The following TNIK variants were observed in gnomAD, a reference collection of about 807,000 sequenced individuals.
The protein encoded by TNIK is TRAF2 and NCK interacting kinase, also known as TRAF2 and NCK-interacting protein kinase.
TNIK carries 49 observed loss-of-function variants against 191.3 expected under a neutral mutation model. The observed-to-expected ratio is 0.26, with a 90% CI of 0.20 to 0.32. The LOEUF (loss-of-function observed/expected upper bound fraction) is 0.32. Among genes scored for constraint, TNIK ranks in the 10% least tolerant of loss-of-function variants. TNIK has a pLI of 1.00. For missense variants in TNIK, 1,155 were observed against 1,702.3 expected, an observed-to-expected ratio of 0.68 and a Z score of 5.66; for synonymous variants, 594 against 600.9, an observed-to-expected ratio of 0.99 and a Z score of 0.17.
intron 12 of TNIK, among the ~76,000 whole-genome samples, chr3:171,155,648 G>A (rs1733070999): frequency 6.6e-6 from 1 of 152,214 alleles, no homozygotes; most frequent in African/African-American, 2.4e-5. Context: ...CACAAGAGAA[G>A]AGACACAAAG....
intron 21 of TNIK, chr3:171,102,051 C>G (rs1340912523): frequency 6.3e-6 from 1 of 157,840 alleles, no homozygotes; most frequent in Non-Finnish European, 1.4e-5. Context: ...GGCTTTTCCC[C>G]TCTTATGATT....
intron 12 of TNIK, among the ~76,000 whole-genome samples, chr3:171,147,787 A>G (rs1731834177): frequency 6.6e-6 from 1 of 152,128 alleles, no homozygotes; most frequent in African/African-American, 2.4e-5. Context: ...ATCCAGGCCA[A>G]TATCTTGCCC....
At chr3:171,067,710 T>C (rs1718640378) in intron 30 of TNIK, among the ~76,000 whole-genome samples, 1 of 150,500 alleles carries the variant, frequency 6.6e-6, no homozygotes, top group Non-Finnish European at 1.5e-5. Flanking sequence ...GAAATAAGTG[T>C]ATATTAATTT....
intron 1 of TNIK, among the ~76,000 whole-genome samples, chr3:171,459,675 T>TACACACACACACACACAC (rs58614773): frequency 2.6e-3 from 377 of 146,318 alleles, no homozygotes; most frequent in East Asian, 9.1e-3. Context: ...CCGGGGCGTG[T>TACACACACACACACACAC]ACACACACAC....
intron 7 of TNIK, among the ~76,000 whole-genome samples, chr3:171,180,967 A>G (rs1164505533): frequency 6.6e-6 from 1 of 152,176 alleles, no homozygotes; most frequent in African/African-American, 2.4e-5. Flanking sequence ...ACTCGCCTCA[A>G]TTTCCCAATG....
intron 2 of TNIK, among the ~76,000 whole-genome samples, chr3:171,355,565 C>T (rs971314332): frequency 2.0e-5 from 3 of 152,190 alleles, no homozygotes; most frequent in South Asian, 2.1e-4. Context: ...GAAGAGGACA[C>T]ACTGTCCTGT....
At chr3:171,356,675 G>A (rs538581492) in intron 2 of TNIK, among the ~76,000 whole-genome samples, 8 of 152,292 alleles carry the variant, frequency 5.3e-5, no homozygotes, top group African/African-American at 1.7e-4. Flanking sequence ...AAACTTCTGA[G>A]TGGAGGTAAG....
intron 2 of TNIK, among the ~76,000 whole-genome samples, chr3:171,295,741 C>T (rs894818930): frequency 6.6e-6 from 1 of 152,190 alleles, no homozygotes; most frequent in African/African-American, 2.4e-5. Flanking sequence ...CAATGTGTGG[C>T]CACCACAGAC....
chr3:171,438,072 C>A (rs539420551), intron 1 of TNIK, among the ~76,000 whole-genome samples: 1 of 152,152 alleles, frequency 6.6e-6, no homozygotes, highest in Non-Finnish European at 1.5e-5. Context: ...AGTGACTTGT[C>A]GCCAATAAAA....
At chr3:171,322,945 A>C (rs546091094) in intron 2 of TNIK, among the ~76,000 whole-genome samples, 1 of 150,086 alleles carries the variant, frequency 6.7e-6, no homozygotes, top group Admixed American at 6.6e-5. Context: ...ATTTTTTTAC[A>C]CTGGTAAGTG....
At chr3:171,272,731 T>G (rs1442107917) in intron 2 of TNIK, among the ~76,000 whole-genome samples, 1 of 152,192 alleles carries the variant, frequency 6.6e-6, no homozygotes, top group Non-Finnish European at 1.5e-5. Context: ...TTACTTATCG[T>G]TTTTCTCATT....
At chr3:171,169,937 T>G (rs1735078045) in intron 9 of TNIK, among the ~76,000 whole-genome samples, 1 of 152,228 alleles carries the variant, frequency 6.6e-6, no homozygotes, top group African/African-American at 2.4e-5. Context: ...AAATAATGTT[T>G]ACTTAAAATG....
chr3:171,388,068 T>C (rs1209065274), intron 1 of TNIK, among the ~76,000 whole-genome samples: 3 of 152,218 alleles, frequency 2.0e-5, no homozygotes, highest in Admixed American at 1.3e-4. Flanking sequence ...TTATTTTACT[T>C]GACCATCTCC....
At chr3:171,154,932 TAAG>T (rs1036434716) in intron 12 of TNIK, among the ~76,000 whole-genome samples, 57 of 152,330 alleles carry the variant, frequency 3.7e-4, no homozygotes, top group African/African-American at 1.3e-3. Context: ...AAAGTCCTTC[TAAG>T]AATATACAGA....
intron 18 of TNIK, among the ~76,000 whole-genome samples, chr3:171,119,175 A>T (rs1421962028): frequency 1.3e-5 from 2 of 152,260 alleles, no homozygotes; most frequent in East Asian, 3.8e-4. Context: ...TATGCAGCCA[A>T]AAGACACATG....
chr3:171,067,006 A>G (rs750104389), intron 30 of TNIK, among the ~76,000 whole-genome samples: 5 of 152,192 alleles, frequency 3.3e-5, no homozygotes, highest in African/African-American at 4.8e-5. Flanking sequence ...CTTTACATAT[A>G]TAATTTCTAG....
At chr3:171,199,310 C>G (rs1739124547) in intron 4 of TNIK, among the ~76,000 whole-genome samples, 1 of 152,046 alleles carries the variant, frequency 6.6e-6, no homozygotes, top group African/African-American at 2.4e-5. Context: ...CCTCCCTCCC[C>G]ATAAGTAACC....
intron 28 of TNIK, among the ~76,000 whole-genome samples, chr3:171,076,330 T>C (rs1051214088): frequency 5.9e-5 from 9 of 152,150 alleles, no homozygotes; most frequent in Non-Finnish European, 1.0e-4. Context: ...CAAAATGTGA[T>C]ACACTGAAGT....
chr3:171,142,824 G>A (rs1382151687), intron 12 of TNIK, among the ~76,000 whole-genome samples: 2 of 152,170 alleles, frequency 1.3e-5, no homozygotes, highest in African/African-American at 4.8e-5. Flanking sequence ...ATCCTGGCAG[G>A]AAATAGCACT....
Sources: gnomAD v4.1 joint callset for allele counts (sites outside exome capture counted in the v4.1 genomes callset) on GRCh38, gnomAD v4.1.1 for gene constraint, MANE v1.5 for transcripts, NCBI Gene and HGNC (gene_info 2026-07-23, HGNC 2026-07-21) for gene names.